SLCO5A1: variants seen among roughly 807,000 people sequenced by gnomAD.
SLCO5A1 encodes the protein organic anion transporter polypeptide-related protein 4.
Under a neutral mutation model 65.1 loss-of-function variants are expected in SLCO5A1, and 39 were observed. The observed-to-expected ratio is 0.60, with a 90% CI of 0.46 to 0.78. SLCO5A1 has a LOEUF of 0.78. Among genes scored for constraint, SLCO5A1 ranks in the 30% least tolerant of loss-of-function variants. The pLI is 0.00. For missense variants in SLCO5A1, 1,029 were observed against 1,069.4 expected, an observed-to-expected ratio of 0.96 and a Z score of 0.53; for synonymous variants, 438 against 415.7, an observed-to-expected ratio of 1.05 and a Z score of -0.65.
chr8:69,834,800 A>G (rs1586852822), intron 1 of SLCO5A1, 54 bp downstream of exon 1: 1 of 151,896 alleles, frequency 6.6e-6, no homozygotes, highest in African/African-American at 2.4e-5. Flanking sequence ...GGAAGACAAG[A>G]CCGCCGGCGA....
At chr8:69,677,218 C>A (rs386473232) in intron 8 of SLCO5A1, among the ~76,000 whole-genome samples, 1 of 152,170 alleles carries the variant, frequency 6.6e-6, no homozygotes, top group Admixed American at 6.5e-5. Context: ...AGCCCTCCAA[C>A]CACATCTTTT....
At chr8:69,686,924 T>C (rs1014474876) in intron 6 of SLCO5A1, among the ~76,000 whole-genome samples, 9 of 152,250 alleles carry the variant, frequency 5.9e-5, no homozygotes, top group Admixed American at 3.9e-4. Flanking sequence ...TTTCAGATTT[T>C]ATATTTGTAA....
At chr8:69,794,411 C>A in intron 2 of SLCO5A1, 2 of 446,628 alleles carry the variant, frequency 4.5e-6, no homozygotes, top group South Asian at 1.9e-5. Flanking sequence ...CCATCAGGGT[C>A]CAAGGACTAA....
rs140470564 is a variant in SLCO5A1 at position 69,793,649 on chromosome 8, G to A, written c.908-31774C>T. On this transcript the variant is annotated intron_variant, in intron 2 of 9. Transcript: ENST00000260126. ...AAAAATTAACCGGGTGTGGTGGCTC[G>A]CACCCATAATCCCAGCTACTTGGGA... Among the ~76,000 whole-genome samples, 519 of 151,830 alleles carry A rather than the reference G, an allele frequency of 3.4e-3. 2 individuals are homozygous for A. Among genetic ancestry groups the A allele is most frequent in the African/African-American group, 0.011 (472 of 41,410 alleles).
chr8:69,708,365 G>C (rs1351642432), intron 5 of SLCO5A1, among the ~76,000 whole-genome samples: 2 of 152,126 alleles, frequency 1.3e-5, no homozygotes, highest in Admixed American at 1.3e-4. Context: ...TCTATAAGTA[G>C]ATACAGTATA....
chr8:69,811,856 C>T (rs1462039927), intron 2 of SLCO5A1, among the ~76,000 whole-genome samples: 18 of 152,218 alleles, frequency 1.2e-4, no homozygotes, highest in Admixed American at 1.0e-3. Flanking sequence ...AGAGAGGCCA[C>T]AGAAGCTGCC....
chr8:69,767,972 C>T (rs1281284773), intron 2 of SLCO5A1, among the ~76,000 whole-genome samples: 1 of 151,678 alleles, frequency 6.6e-6, no homozygotes, highest in East Asian at 1.9e-4. Flanking sequence ...AATCCCCATG[C>T]CTGTAATCCC....
intron 2 of SLCO5A1, among the ~76,000 whole-genome samples, chr8:69,805,212 G>A (rs1038763760): frequency 6.6e-6 from 1 of 152,034 alleles, no homozygotes; most frequent in African/African-American, 2.4e-5. Context: ...TAGCCTACTG[G>A]ACATTTTTAA....
chr8:69,677,271 CAGGA>C (rs1268681568), intron 8 of SLCO5A1, among the ~76,000 whole-genome samples: 3 of 152,050 alleles, frequency 2.0e-5, no homozygotes, highest in Admixed American at 2.0e-4. Context: ...TCCCATGTGA[CAGGA>C]AGATTGGAGT....
chr8:69,683,328 A>C (rs1303390122), intron 6 of SLCO5A1, among the ~76,000 whole-genome samples: 4 of 152,194 alleles, frequency 2.6e-5, no homozygotes. Flanking sequence ...TCCTTCATCC[A>C]ACCATCCATT....
intron 5 of SLCO5A1, among the ~76,000 whole-genome samples, chr8:69,730,375 T>C (rs1816278030): frequency 6.6e-6 from 1 of 152,222 alleles, no homozygotes; most frequent in Non-Finnish European, 1.5e-5. Context: ...TAAGAATAAA[T>C]GTGTATTTGG....
chr8:69,750,630 T>C (rs1442117208), intron 4 of SLCO5A1, among the ~76,000 whole-genome samples: 1 of 152,158 alleles, frequency 6.6e-6, no homozygotes, highest in Non-Finnish European at 1.5e-5. Flanking sequence ...TGCCTGAACA[T>C]TCCTGACACC....
In SLCO5A1 at chr8:69,671,820, T is replaced by G. The variant is rs1813338024; in HGVS notation, c.*1049A>C. On this transcript the variant is annotated 3_prime_UTR_variant, in exon 10 of 10. Transcript: ENST00000260126. ...TCCTGTATTCTAAGTGATTTTCATA[T>G]CCCAGGCACAGATTTCCTGATATAA... The G allele has an allele frequency of 6.6e-6, 1 of 152,156 alleles. No individual in the cohort carries two copies. The highest frequency in any genetic ancestry group is 2.4e-5 in the African/African-American group (1 of 41,442). The allele number at this position is 152,156 out of a possible 1,614,324, so 9.4% of individuals were successfully genotyped here. A position where few individuals can be genotyped will look rare whatever the true frequency, so the allele number is the denominator to read the frequency against.
intron 2 of SLCO5A1, among the ~76,000 whole-genome samples, chr8:69,820,363 A>T (rs948165440): frequency 6.6e-6 from 1 of 152,254 alleles, no homozygotes; most frequent in African/African-American, 2.4e-5. Context: ...TTATAACTCA[A>T]GACAAAGAAA....
intron 2 of SLCO5A1, among the ~76,000 whole-genome samples, chr8:69,791,289 G>A (rs187321420): frequency 3.0e-4 from 46 of 152,262 alleles, no homozygotes; most frequent in East Asian, 2.9e-3. Context: ...GAACATGCAC[G>A]GAGCCATCCC....
intron 6 of SLCO5A1, among the ~76,000 whole-genome samples, chr8:69,689,999 T>A (rs1389899478): frequency 6.6e-6 from 1 of 152,152 alleles, no homozygotes; most frequent in Admixed American, 6.5e-5. Flanking sequence ...TTTGTTTGTA[T>A]CCTCTTTTAT....
intron 8 of SLCO5A1, among the ~76,000 whole-genome samples, chr8:69,677,049 T>G (rs994519629): frequency 1.9e-4 from 29 of 152,086 alleles, no homozygotes; most frequent in African/African-American, 6.5e-4. Context: ...TGTTTTTGTT[T>G]TTGTTTTTTT....
At position 69,804,894 on chromosome 8, in the gene SLCO5A1, C is replaced by A. The variant is rs1300241717; in HGVS notation, c.907+26873G>T. Among the ~76,000 whole-genome samples, 3 of 152,080 alleles carry A rather than the reference C, an allele frequency of 2.0e-5. No homozygotes were observed. In the East Asian group the frequency reaches 5.8e-4, roughly 29 times the overall value. On this transcript the variant is annotated intron_variant, in intron 2 of 9. Transcript: ENST00000260126. ...ACCCAACCTGCAGGCCGGGCTCCTG[C>A]CAGAGAAACCTTGACACTTCTGGAT...
At chr8:69,731,502 G>A (rs1024524975) in intron 5 of SLCO5A1, among the ~76,000 whole-genome samples, 2 of 152,162 alleles carry the variant, frequency 1.3e-5, no homozygotes, top group Non-Finnish European at 2.9e-5. Context: ...TGCCATTAGA[G>A]CACTGGCTAA....
Sources: allele counts gnomAD v4.1 joint callset (sites outside exome capture counted in the v4.1 genomes callset), GRCh38; gene constraint gnomAD v4.1.1; transcripts MANE v1.5; gene names NCBI Gene and HGNC (gene_info 2026-07-23, HGNC 2026-07-21).